MTREX: variants seen among roughly 807,000 people sequenced by gnomAD.
MTREX encodes the protein Mtr4 exosome RNA helicase, also known as exosome RNA helicase MTR4.
Under a neutral mutation model 135.4 loss-of-function variants are expected in MTREX, and 76 were observed. The observed-to-expected ratio is 0.56, with a 90% CI of 0.47 to 0.68. The LOEUF (loss-of-function observed/expected upper bound fraction) is 0.68, where lower values mean the gene tolerates loss of function less well. MTREX is among the 30% of genes least tolerant of loss of function. The pLI is 0.00. For synonymous variants in MTREX, 404 were observed against 401.6 expected, an observed-to-expected ratio of 1.01 and a Z score of -0.07; for missense variants, 920 against 1,262.1, an observed-to-expected ratio of 0.73 and a Z score of 4.11.
chr5:55,372,060 C>T (rs890399819), intron 16 of MTREX, among the ~76,000 whole-genome samples: 3 of 152,088 alleles, frequency 2.0e-5, no homozygotes, highest in African/African-American at 7.2e-5. Context: ...TCTGTGCTGC[C>T]TTTAGTGCTC....
In MTREX at chr5:55,424,857, G is replaced by C. The variant is rs1751125504; in HGVS notation, c.*85G>C. 1 of 941,214 alleles carries C rather than the reference G, an allele frequency of 1.1e-6. No homozygotes were observed. The highest frequency in any genetic ancestry group is 1.6e-5 in the African/African-American group (1 of 61,150). 58.3% of individuals were successfully genotyped at this position (941,214 alleles called of 1,614,324 possible). On this transcript the variant is annotated 3_prime_UTR_variant, in exon 27 of 27. Transcript: ENST00000230640. ...TACAAATGCCTGCAAGTGTGGATTT[G>C]GTTCTCCCATACATTTTAATATGTA...
chr5:55,310,073 A>G (rs936968688), intron 1 of MTREX, among the ~76,000 whole-genome samples: 1 of 152,336 alleles, frequency 6.6e-6, no homozygotes, highest in South Asian at 2.1e-4. Flanking sequence ...ATAATTTACC[A>G]TGTTAGTATA....
At chr5:55,329,681 T>C (rs1386661130) in intron 5 of MTREX, among the ~76,000 whole-genome samples, 1 of 152,180 alleles carries the variant, frequency 6.6e-6, no homozygotes, top group East Asian at 1.9e-4. Context: ...TGGTATGGAA[T>C]TGTAATTTTC....
chr5:55,414,942 G>A (rs1750943396), intron 24 of MTREX, among the ~76,000 whole-genome samples: 1 of 152,118 alleles, frequency 6.6e-6, no homozygotes, highest in Non-Finnish European at 1.5e-5. Flanking sequence ...GAGCCACTGT[G>A]CCCAGCCTAT....
At chr5:55,350,892 A>G (rs781127981) in intron 12 of MTREX, 27 bp from the exon 13 acceptor site, 1 of 1,516,250 alleles carries the variant, frequency 6.6e-7, no homozygotes, top group Non-Finnish European at 9.0e-7. Context: ...ACATCATTAT[A>G]AAATCAGTGT....
chr5:55,329,006 A>G (rs183600662), intron 5 of MTREX, among the ~76,000 whole-genome samples, 195 bp downstream of exon 5: 58 of 152,212 alleles, frequency 3.8e-4, no homozygotes, highest in African/African-American at 1.3e-3. Flanking sequence ...CTTGTTCCTC[A>G]TATTAGGAGA....
At chr5:55,344,409 T>C (rs1749697931) in intron 8 of MTREX, 113 bp from the exon 9 acceptor site, 2 of 700,598 alleles carry the variant, frequency 2.9e-6, no homozygotes, top group Admixed American at 3.1e-5. Flanking sequence ...GTGTTTTCTT[T>C]TTGAAATGTT....
intron 21 of MTREX, among the ~76,000 whole-genome samples, chr5:55,402,294 A>T (rs1478558039): frequency 6.6e-6 from 1 of 152,204 alleles, no homozygotes; most frequent in Non-Finnish European, 1.5e-5. Context: ...ACAAACTTTC[A>T]TTACTTACAC....
chr5:55,373,397 G>A (rs1750239336), intron 16 of MTREX, among the ~76,000 whole-genome samples: 1 of 151,844 alleles, frequency 6.6e-6, no homozygotes, highest in Non-Finnish European at 1.5e-5. Flanking sequence ...AATGTCCAGG[G>A]AGGACAGGAT....
chr5:55,420,996 T>C (rs374331141), intron 25 of MTREX, among the ~76,000 whole-genome samples: 2 of 152,346 alleles, frequency 1.3e-5, no homozygotes, highest in East Asian at 3.9e-4. Context: ...AAAAATTTTT[T>C]AAAGACAATA....
intron 25 of MTREX, among the ~76,000 whole-genome samples, chr5:55,418,374 T>C (rs928155535): frequency 1.3e-5 from 2 of 149,502 alleles, no homozygotes. Context: ...TCTACCTAAG[T>C]AGAAGTTATC....
chr5:55,351,185 T>G (rs1054449945), intron 13 of MTREX, among the ~76,000 whole-genome samples, 156 bp downstream of exon 13: 1 of 152,062 alleles, frequency 6.6e-6, no homozygotes, highest in Non-Finnish European at 1.5e-5. Flanking sequence ...GATGTTATAC[T>G]TAAATAAATC....
At chr5:55,368,819 A>C (rs1419477439) in intron 16 of MTREX, among the ~76,000 whole-genome samples, 2 of 152,354 alleles carry the variant, frequency 1.3e-5, no homozygotes, top group Middle Eastern at 6.8e-3. Flanking sequence ...AAAAAATCGA[A>C]GATGACTGAC....
chr5:55,378,210 C>G (rs150584957), intron 16 of MTREX, 104 bp from the exon 17 acceptor site: 14 of 1,313,076 alleles, frequency 1.1e-5, no homozygotes, highest in Admixed American at 3.1e-5. Context: ...AAACAAAAAC[C>G]GCAACTACAC....
intron 1 of MTREX, among the ~76,000 whole-genome samples, chr5:55,309,917 A>G (rs997772891): frequency 6.6e-6 from 1 of 152,224 alleles, no homozygotes; most frequent in Non-Finnish European, 1.5e-5. Context: ...GTCTACTCGC[A>G]TTAAGTTGGA....
chr5:55,368,322 G>T (rs1750137135), intron 16 of MTREX, among the ~76,000 whole-genome samples: 1 of 152,052 alleles, frequency 6.6e-6, no homozygotes, highest in Non-Finnish European at 1.5e-5. Flanking sequence ...ATGGTGGTGG[G>T]CACCTGTAAT....
At chr5:55,344,369 T>C (rs1749697509) in intron 8 of MTREX, among the ~76,000 whole-genome samples, 153 bp from the exon 9 acceptor site, 1 of 152,206 alleles carries the variant, frequency 6.6e-6, no homozygotes. Flanking sequence ...TACGTTTTTC[T>C]CTTGCCTGGG....
chr5:55,344,637 C>A lies in MTREX; in HGVS notation c.1005+17C>A. ...GATGAAAATGTAAGAGAGTAATTGT[C>A]CTTTTTAAATCTATAATGTCATACT... On this transcript the variant is annotated intron_variant, in intron 9 of 26. Coordinates refer to ENST00000230640, the MANE Select transcript of MTREX (RefSeq NM_015360.5). The A allele has an allele frequency of 1.4e-6, 2 of 1,441,172 alleles. No individual in the cohort carries two copies. Among genetic ancestry groups the A allele is most frequent in the South Asian group, 1.2e-5 (1 of 83,114 alleles). 89.3% of individuals were successfully genotyped at this position (1,441,172 alleles called of 1,614,324 possible).
chr5:55,342,536 C>G (rs113052013), intron 7 of MTREX, among the ~76,000 whole-genome samples: 1,577 of 152,260 alleles, frequency 0.01, 26 homozygotes, highest in African/African-American at 0.035. Flanking sequence ...TAGGCTGTTA[C>G]GCTCTCGTAA....
Sources: allele counts gnomAD v4.1 joint callset (sites outside exome capture counted in the v4.1 genomes callset), GRCh38; gene constraint gnomAD v4.1.1; transcripts MANE v1.5; gene names NCBI Gene and HGNC (gene_info 2026-07-23, HGNC 2026-07-21).